JAZF1: variants seen among roughly 807,000 people sequenced by gnomAD.
The protein encoded by JAZF1 is JAZF zinc finger 1, also known as juxtaposed with another zinc finger protein 1.
A neutral mutation model predicts 26.4 loss-of-function variants in JAZF1; 8 were observed. That is an observed-to-expected ratio of 0.30 (90% CI 0.18 to 0.55). The LOEUF is 0.55. Among genes scored for constraint, JAZF1 ranks in the 20% least tolerant of loss-of-function variants. The pLI is 0.94. For missense variants in JAZF1, 199 were observed against 322.0 expected, an observed-to-expected ratio of 0.62 and a Z score of 2.92; for synonymous variants, 126 against 122.3, an observed-to-expected ratio of 1.03 and a Z score of -0.20.
chr7:28,148,081 T>A (rs1361976770), intron 1 of JAZF1, among the ~76,000 whole-genome samples: 1 of 152,116 alleles, frequency 6.6e-6, no homozygotes, highest in African/African-American at 2.4e-5. Flanking sequence ...TCTTACTTTT[T>A]TTTTTTTCAG....
At chr7:27,910,572 C>G (rs1784344545) in intron 2 of JAZF1, among the ~76,000 whole-genome samples, 1 of 152,208 alleles carries the variant, frequency 6.6e-6, no homozygotes, top group South Asian at 2.1e-4. Flanking sequence ...GTTTATTTAG[C>G]AAAGCTTTTC....
chr7:28,100,195 G>A lies in JAZF1; in HGVS notation c.115+80268C>T, dbSNP rs373840752. On this transcript the variant is annotated intron_variant, in intron 1 of 4. Transcript: ENST00000283928. ...AACCCATCAGCCTTAATAAATGAGA[G>A]TAATACTTCTGTTCATAAATCAAGT... 3.9e-5 allele frequency among the ~76,000 whole-genome samples: 6 copies of A among 152,238 alleles called. No homozygotes were observed. The South Asian group carries it at 1.2e-3, about 32-fold the overall frequency.
At chr7:28,092,798 C>T (rs973234172) in intron 1 of JAZF1, among the ~76,000 whole-genome samples, 2 of 151,492 alleles carry the variant, frequency 1.3e-5, no homozygotes, top group South Asian at 4.2e-4. Context: ...AAGATCGAGG[C>T]TGCAGTGAGC....
chr7:28,092,290 CAAAAAAAAAAAAAAAAAA>C (rs749913273), intron 1 of JAZF1, among the ~76,000 whole-genome samples: 166 of 12,794 alleles, frequency 0.013, no homozygotes, highest in Non-Finnish European at 0.023. Flanking sequence ...GGACAAAAGG[CAAAAAAAAAAAAAAAAAA>C]AAAAAAAAAA....
At chr7:27,864,974 A>G (rs1783450141) in intron 3 of JAZF1, among the ~76,000 whole-genome samples, 3 of 152,178 alleles carry the variant, frequency 2.0e-5, no homozygotes, top group Admixed American at 1.3e-4. Flanking sequence ...GTGCTCCCAA[A>G]CTGCAGACCG....
chr7:28,020,271 C>T (rs886320056), intron 1 of JAZF1, among the ~76,000 whole-genome samples: 1 of 152,052 alleles, frequency 6.6e-6, no homozygotes, highest in African/African-American at 2.4e-5. Flanking sequence ...TGGGGGAATT[C>T]CTAAGGTGAC....
At chr7:27,997,976 G>C (rs948375402) in intron 1 of JAZF1, among the ~76,000 whole-genome samples, 3 of 150,688 alleles carry the variant, frequency 2.0e-5, no homozygotes, top group African/African-American at 7.3e-5. Flanking sequence ...CAAACAAATG[G>C]GGAGGGCAGG....
chr7:28,095,491 G>A (rs1055026410), intron 1 of JAZF1, among the ~76,000 whole-genome samples: 4 of 152,112 alleles, frequency 2.6e-5, no homozygotes, highest in Non-Finnish European at 5.9e-5. Flanking sequence ...GAACAGCATG[G>A]GGGAAACCAC....
chr7:28,126,077 T>C (rs554734973), intron 1 of JAZF1, among the ~76,000 whole-genome samples: 26 of 152,178 alleles, frequency 1.7e-4, no homozygotes, highest in Non-Finnish European at 3.4e-4. Context: ...GGTTCAAGTG[T>C]AGCATATTCC....
chr7:27,872,694 G>A (rs890577690), intron 3 of JAZF1, among the ~76,000 whole-genome samples: 4 of 152,162 alleles, frequency 2.6e-5, no homozygotes, highest in African/African-American at 9.7e-5. Flanking sequence ...CAATTAAAGC[G>A]ATTTTGCTTC....
intron 1 of JAZF1, among the ~76,000 whole-genome samples, chr7:28,031,461 T>C (rs968455550): frequency 2.0e-5 from 3 of 152,142 alleles, no homozygotes; most frequent in Non-Finnish European, 4.4e-5. Context: ...CCCAGATTGC[T>C]TCTGAGACTA....
At chr7:28,056,198 A>T (rs1477520816) in intron 1 of JAZF1, among the ~76,000 whole-genome samples, 2 of 143,586 alleles carry the variant, frequency 1.4e-5, no homozygotes, top group East Asian at 4.0e-4. Context: ...GAGTATCTCT[A>T]AAAAAAAAAA....
rs1783525448 is a variant in JAZF1 at position 28,174,824 on chromosome 7, GT to G, written c.115+5638del. ...GATCCTGCCTATGGGGTGTGTGGGT[GT>G]GTGTGTGTGTGTGTGTGTGTGTGTA... On this transcript the variant is annotated intron_variant, in intron 1 of 4. Transcript: ENST00000283928. Among the ~76,000 whole-genome samples, 8 of 115,738 alleles carry G rather than the reference GT, an allele frequency of 6.9e-5. 1 individual carries two copies. Among genetic ancestry groups the G allele is most frequent in the Admixed American group, 3.6e-4 (4 of 11,146 alleles). The allele number at this position is 115,738 out of a possible 152,430, so 75.9% of individuals were successfully genotyped here.
intron 1 of JAZF1, among the ~76,000 whole-genome samples, chr7:28,004,909 TC>T (rs1782673481): frequency 6.6e-6 from 1 of 152,154 alleles, no homozygotes. Context: ...CACCTCAGCC[TC>T]CCAAAGTGCT....
intron 3 of JAZF1, among the ~76,000 whole-genome samples, chr7:27,893,636 CCCT>C (rs1784012125): frequency 6.6e-6 from 1 of 152,214 alleles, no homozygotes; most frequent in Non-Finnish European, 1.5e-5. Flanking sequence ...TCTCCGGATG[CCCT>C]CCTATCACAG....
At chr7:27,881,960 A>G (rs985714684) in intron 3 of JAZF1, among the ~76,000 whole-genome samples, 3 of 152,316 alleles carry the variant, frequency 2.0e-5, no homozygotes, top group African/African-American at 7.2e-5. Flanking sequence ...TTTTTTATTT[A>G]AAAATTTTGG....
intron 2 of JAZF1, among the ~76,000 whole-genome samples, chr7:27,929,763 C>A (rs1433238992): frequency 6.6e-6 from 1 of 151,986 alleles, no homozygotes; most frequent in Non-Finnish European, 1.5e-5. Context: ...TAATAAATGG[C>A]AGTATTATTA....
chr7:27,975,437 G>C (rs1463316223), intron 2 of JAZF1, among the ~76,000 whole-genome samples: 1 of 152,136 alleles, frequency 6.6e-6, no homozygotes, highest in Non-Finnish European at 1.5e-5. Context: ...ATTTGGAGTA[G>C]ACATCTAAGC....
At chr7:27,861,537 C>A (rs1783379715) in intron 3 of JAZF1, among the ~76,000 whole-genome samples, 1 of 134,892 alleles carries the variant, frequency 7.4e-6, no homozygotes, top group Admixed American at 7.8e-5. Flanking sequence ...TTTCCAAAGA[C>A]TACTTTTTTT....
Sources: gnomAD v4.1 joint callset for allele counts (sites outside exome capture counted in the v4.1 genomes callset) on GRCh38, gnomAD v4.1.1 for gene constraint, MANE v1.5 for transcripts, NCBI Gene and HGNC (gene_info 2026-07-23, HGNC 2026-07-21) for gene names.